The following PPP4C variants were observed in gnomAD, a reference collection of about 807,000 sequenced individuals.
PPP4C encodes protein phosphatase 4 catalytic subunit.
In PPP4C, 10 loss-of-function variants were observed where a neutral mutation model predicts 40.5. The ratio of observed to expected loss-of-function variants is 0.25; its 90% CI spans 0.15 to 0.42. The LOEUF (loss-of-function observed/expected upper bound fraction) is 0.42. PPP4C is among the 10% of genes least tolerant of loss of function. The pLI is 1.00. For missense variants in PPP4C, 191 were observed against 416.4 expected, an observed-to-expected ratio of 0.46 and a Z score of 4.71; for synonymous variants, 187 against 163.6, an observed-to-expected ratio of 1.14 and a Z score of -1.09.
chr16:30,083,696 C>T lies in PPP4C; in HGVS notation c.519C>T (p.Thr173=). Residue 173 remains threonine (T), a synonymous_variant, in exon 7 of 9, where the codon ACC becomes ACT. Coordinates refer to ENST00000279387, the MANE Select transcript of PPP4C (RefSeq NM_002720.3). The surrounding 1 kb of genome is among the most constrained non-coding windows in gnomAD (Gnocchi z 6.3). ...VHGGLSPSIQ[T]LDQIRTIDRK... ...GGGGCCTCTCCCCCTCCATCCAGACCCTGGATCAGATTCGGACAATCGACC... is the reference window on the plus strand; with the variant it reads ...GGGGCCTCTCCCCCTCCATCCAGACTCTGGATCAGATTCGGACAATCGACC... The T allele has an allele frequency of 6.2e-7, 1 of 1,614,204 alleles. No homozygotes were observed.
At chr16:30,080,813 A>G (rs528606573) in intron 2 of PPP4C, among the ~76,000 whole-genome samples, 2 of 152,238 alleles carry the variant, frequency 1.3e-5, no homozygotes, top group Admixed American at 6.5e-5. Context: ...CCAAGAGCGC[A>G]TCACTTTGAA....
In PPP4C at chr16:30,076,583, C is replaced by G. The variant is rs2072403851; in HGVS notation, c.98+108C>G. ...GGCTTGCCTCGTTCTGGAAGCTTTCCCAGAGAGGAGCAGGATGGAGCCGCT... is the reference window on the plus strand; with the variant it reads ...GGCTTGCCTCGTTCTGGAAGCTTTCGCAGAGAGGAGCAGGATGGAGCCGCT... On this transcript the variant is annotated intron_variant, in intron 2 of 8. Transcript: ENST00000279387. 3 of 1,154,392 alleles carry G rather than the reference C, an allele frequency of 2.6e-6. No individual in the cohort carries two copies. The African/African-American group carries it at 4.6e-5, about 18-fold the overall frequency. 71.5% of individuals were successfully genotyped at this position (1,154,392 alleles called of 1,614,324 possible).
intron 2 of PPP4C, among the ~76,000 whole-genome samples, chr16:30,077,349 A>G (rs1371070010): frequency 1.3e-5 from 2 of 152,200 alleles, no homozygotes; most frequent in Non-Finnish European, 2.9e-5. Context: ...TACGTGCTTG[A>G]TAATCACCAG....
Position 30,083,829 on chromosome 16 carries a change from G to A in PPP4C, c.604+48G>A, listed in dbSNP as rs539832511. ...AGGCAGGGACAGCCAGGAGGGGTTG[G>A]GAAAGAGAGGGAGCAGGGCTGGTCT... On this transcript the variant is annotated intron_variant, in intron 7 of 8. Coordinates refer to ENST00000279387, the MANE Select transcript of PPP4C (RefSeq NM_002720.3). This position sits in a 1 kb window ranked among gnomAD's most constrained non-coding sequence, Gnocchi z 6.3. 1 of 1,606,288 alleles carries A rather than the reference G, an allele frequency of 6.2e-7. No individual in the cohort carries two copies. The highest frequency in any genetic ancestry group is 1.1e-5 in the South Asian group (1 of 91,000).
rs894769623 is a variant in PPP4C, at chr16:30,083,927, G to T, written c.604+146G>T. 44 of 1,254,716 alleles carry T rather than the reference G, an allele frequency of 3.5e-5. No homozygotes were observed. The highest frequency in any genetic ancestry group is 5.2e-4 in the Middle Eastern group (2 of 3,852). 77.7% of individuals were successfully genotyped at this position (1,254,716 alleles called of 1,614,324 possible). ...AGGAGCAGGGAGGCCTGCATGGCAG[G>T]TGCTTTGAGCACACAGTGGCTTGGG... is the stretch of plus-strand genomic sequence containing the variant. On this transcript the variant is annotated intron_variant, in intron 7 of 8. Coordinates refer to ENST00000279387, the MANE Select transcript of PPP4C (RefSeq NM_002720.3). The surrounding 1 kb of genome is among the most constrained non-coding windows in gnomAD (Gnocchi z 6.3).
intron 3 of PPP4C, chr16:30,081,550 G>C: frequency 2.6e-6 from 1 of 378,166 alleles, no homozygotes; most frequent in Non-Finnish European, 4.9e-6. Flanking sequence ...TTCGAGACCA[G>C]CCTGGCCAAC....
chr16:30,076,262 G>C, intron 1 of PPP4C, 53 bp from the exon 2 acceptor site: 2 of 1,069,148 alleles, frequency 1.9e-6, no homozygotes, highest in Non-Finnish European at 2.7e-6. Context: ...CGAGTTGTCC[G>C]CTCCGAGCCC....
At chr16:30,081,369 T>A in intron 3 of PPP4C, 59 bp downstream of exon 3, 1 of 1,448,746 alleles carries the variant, frequency 6.9e-7, no homozygotes, top group Non-Finnish European at 9.7e-7. Context: ...TGAAGTTTCC[T>A]CTTCATCTTG....
Position 30,083,022 on chromosome 16 carries a change from C to T in PPP4C, c.303+175C>T, listed in dbSNP as rs890055463. The T allele has an allele frequency of 1.9e-5, 12 of 619,212 alleles. No individual in the cohort carries two copies. The highest frequency in any genetic ancestry group is 5.9e-5 in the South Asian group (3 of 50,542). 38.4% of individuals were successfully genotyped at this position (619,212 alleles called of 1,614,324 possible). A position where few individuals can be genotyped will look rare whatever the true frequency, so the allele number is the denominator to read the frequency against. ...GAGACTTGATGGGGGTTGAGGCCAG[C>T]GGGGCAGCATTCTGGGAGGGGCAGA... On this transcript the variant is annotated intron_variant, in intron 5 of 8. Coordinates refer to ENST00000279387, the MANE Select transcript of PPP4C (RefSeq NM_002720.3). The surrounding 1 kb of genome is among the most constrained non-coding windows in gnomAD (Gnocchi z 6.3).
chr16:30,084,584 AG>A (rs2072582582), intron 7 of PPP4C, 81 bp from the exon 8 acceptor site: 9 of 1,344,942 alleles, frequency 6.7e-6, no homozygotes, highest in Admixed American at 5.4e-5. Flanking sequence ...GGGAGGGGCC[AG>A]GCTGCTCACC....
chr16:30,082,603 G>A, intron 4 of PPP4C, 69 bp downstream of exon 4: 2 of 1,576,648 alleles, frequency 1.3e-6, no homozygotes, highest in Non-Finnish European at 1.7e-6. Context: ...ATTGAGGGTG[G>A]GAGCCTTAAT....
At chr16:30,077,802 G>A (rs1354308073) in intron 2 of PPP4C, among the ~76,000 whole-genome samples, 1 of 152,210 alleles carries the variant, frequency 6.6e-6, no homozygotes, top group Non-Finnish European at 1.5e-5. Flanking sequence ...ACTCGTAGAG[G>A]TCTGGTGACT....
chr16:30,078,742 C>T (rs939352685), intron 2 of PPP4C, among the ~76,000 whole-genome samples: 1 of 152,222 alleles, frequency 6.6e-6, no homozygotes, highest in Non-Finnish European at 1.5e-5. Context: ...GAGAGCTGAG[C>T]TTTTGAATCA....
rs1325589734 is a variant in PPP4C at position 30,085,122 on chromosome 16, A to G, written c.*60A>G. The stretch of plus-strand genomic sequence containing the variant: ...GCCCTCGCACCACTGTGACTCTGCC[A>G]TCTTCCTCAGACGGAGGCTGGGCGT... On this transcript the variant is annotated 3_prime_UTR_variant, in exon 9 of 9. Coordinates refer to ENST00000279387, the MANE Select transcript of PPP4C (RefSeq NM_002720.3). 3.2e-6 allele frequency: 5 copies of G among 1,583,914 alleles called. No individual in the cohort carries two copies. The Middle Eastern group carries it at 6.3e-4, about 200-fold the overall frequency.
At position 30,083,672 on chromosome 16, in the gene PPP4C, G is replaced by T. The variant is rs1441881138; in HGVS notation, c.495G>T (p.Gly165=). The stretch of plus-strand genomic sequence containing the variant: ...CCCTGTAGATCTTCTGCGTGCACGG[G>T]GGCCTCTCCCCCTCCATCCAGACCC... ...IIDGKIFCVH[G]GLSPSIQTLD... The change falls in exon 7 of 9, where the codon GGG becomes GGT. Residue 165 remains glycine, a synonymous_variant. Coordinates refer to ENST00000279387, the MANE Select transcript of PPP4C (RefSeq NM_002720.3). This position sits in a 1 kb window ranked among gnomAD's most constrained non-coding sequence, Gnocchi z 6.3. 1 of 1,614,030 alleles carries T rather than the reference G, an allele frequency of 6.2e-7. No homozygotes were observed. Among genetic ancestry groups the T allele is most frequent in the African/African-American group, 1.3e-5 (1 of 74,928 alleles).
intron 2 of PPP4C, among the ~76,000 whole-genome samples, chr16:30,078,530 C>T (rs1341938996): frequency 1.3e-5 from 2 of 152,130 alleles, no homozygotes; most frequent in Admixed American, 1.3e-4. Context: ...CGCTGTTGTC[C>T]CAGGCTCAGT....
chr16:30,080,322 GCAA>G (rs2072479318), intron 2 of PPP4C, among the ~76,000 whole-genome samples: 1 of 139,514 alleles, frequency 7.2e-6, no homozygotes. Flanking sequence ...TCCAGACTGG[GCAA>G]TGGAGCCAGA....
At chr16:30,082,970 G>T (rs937509910) in intron 5 of PPP4C, 123 bp downstream of exon 5, 4 of 840,236 alleles carry the variant, frequency 4.8e-6, no homozygotes, top group Non-Finnish European at 7.4e-6. Context: ...ACTGGTGATG[G>T]ACCGATTCTG....
At position 30,082,822 on chromosome 16, in the gene PPP4C, C is replaced by T. The variant is rs1469723246; in HGVS notation, c.278C>T (p.Thr93Met). Residue 93 changes from threonine to methionine, a missense_variant, in exon 5 of 9, where the codon ACG becomes ATG. Physicochemically the swap from Thr to Met is moderately conservative, Grantham distance 81. Coordinates refer to ENST00000279387, the MANE Select transcript of PPP4C (RefSeq NM_002720.3). ...FVDRGFYSVE[T>M]FLLLLALKVR... ...GACCGTGGCTTCTATAGCGTCGAAA[C>T]GTTCCTCCTGCTGCTGGCACTTAAG... The T allele has an allele frequency of 6.2e-6, 10 of 1,614,132 alleles. No homozygotes were observed. Among genetic ancestry groups the T allele is most frequent in the Non-Finnish European group, 7.6e-6 (9 of 1,180,024 alleles).
Sources: gnomAD v4.1 joint callset for allele counts (sites outside exome capture counted in the v4.1 genomes callset) on GRCh38, gnomAD v4.1.1 for gene constraint, Gnocchi (gnomAD v3.1) non-coding constraint, MANE v1.5 for transcripts, NCBI Gene and HGNC (gene_info 2026-07-23, HGNC 2026-07-21) for gene names.